The following MCPH1 variants were observed in gnomAD, a reference collection of about 807,000 sequenced individuals.
MCPH1 encodes the protein microcephalin 1.
MCPH1 carries 104 observed loss-of-function variants against 84.5 expected under a neutral mutation model. That is an observed-to-expected ratio of 1.23 (90% CI 1.05 to 1.45). The LOEUF is 1.45. MCPH1 is among the 40% of genes most tolerant of loss of function. The pLI is 0.00. For missense variants in MCPH1, 1,498 were observed against 1,005.7 expected (o/e 1.49, Z -6.62); for synonymous variants, 514 against 366.8 (o/e 1.40, Z -4.58).
intron 13 of MCPH1, among the ~76,000 whole-genome samples, chr8:6,633,360 C>G (rs1210813739): frequency 6.6e-6 from 1 of 152,184 alleles, no homozygotes; most frequent in Admixed American, 6.5e-5. Flanking sequence ...TCACTGAAAT[C>G]TTTAGCATTT....
chr8:6,477,794 C>A (rs958415818), intron 10 of MCPH1, among the ~76,000 whole-genome samples, 163 bp downstream of exon 10: 3 of 152,152 alleles, frequency 2.0e-5, no homozygotes, highest in African/African-American at 7.2e-5. Flanking sequence ...TAAACATGTA[C>A]CAAATGTGAG....
chr8:6,406,865 C>G (rs1354012548), intron 1 of MCPH1, among the ~76,000 whole-genome samples, 176 bp downstream of exon 1: 1 of 8,514 alleles, frequency 1.2e-4, no homozygotes, highest in Non-Finnish European at 4.8e-4. Flanking sequence ...CCACCAAAAC[C>G]CCCTGCTCCT....
Position 6,620,360 on chromosome 8 carries a change from A to G in MCPH1, c.2215-1094A>G, listed in dbSNP as rs1586829838. 4 of 152,352 alleles carry G rather than the reference A, an allele frequency of 2.6e-5. No individual in the cohort carries two copies. In the East Asian group the frequency reaches 7.7e-4, roughly 29 times the overall value. The allele number at this position is 152,352 out of a possible 1,614,324, so 9.4% of individuals were successfully genotyped here. A position where few individuals can be genotyped will look rare whatever the true frequency, so the allele number is the denominator to read the frequency against. On this transcript the variant is annotated intron_variant, in intron 12 of 13. Coordinates refer to ENST00000344683, the MANE Select transcript of MCPH1 (RefSeq NM_024596.5). ...TTTGTTAAATATTACAGTAGTAGGAAAACCTAGCAGAAGAATAGTTCACTG... is the reference window on the plus strand; with the variant it reads ...TTTGTTAAATATTACAGTAGTAGGAGAACCTAGCAGAAGAATAGTTCACTG...
chr8:6,436,842 C>T (rs1206223809), intron 5 of MCPH1, among the ~76,000 whole-genome samples: 1 of 151,800 alleles, frequency 6.6e-6, no homozygotes, highest in Non-Finnish European at 1.5e-5. Flanking sequence ...TGGTGGCAGG[C>T]GCCTGTAGTC....
intron 12 of MCPH1, among the ~76,000 whole-genome samples, chr8:6,520,639 G>A (rs1817142021): frequency 6.6e-6 from 1 of 152,126 alleles, no homozygotes; most frequent in Non-Finnish European, 1.5e-5. Flanking sequence ...CAAGTGATCT[G>A]CCTGCCTCAG....
chr8:6,612,450 C>G (rs1268321135), intron 12 of MCPH1, among the ~76,000 whole-genome samples: 3 of 152,294 alleles, frequency 2.0e-5, no homozygotes, highest in African/African-American at 7.2e-5. Flanking sequence ...CTTTTGAGGG[C>G]TACCCCTTTC....
chr8:6,411,300 T>A (rs368798509), intron 2 of MCPH1, among the ~76,000 whole-genome samples: 3 of 152,152 alleles, frequency 2.0e-5, no homozygotes, highest in Admixed American at 6.5e-5. Context: ...TTTTATCTTA[T>A]AAGGAAGCCA....
chr8:6,503,780 T>G (rs1019161649), intron 12 of MCPH1, among the ~76,000 whole-genome samples: 1 of 152,162 alleles, frequency 6.6e-6, no homozygotes, highest in African/African-American at 2.4e-5. Context: ...AAAGGAAATT[T>G]AAAGTGAGAG....
intron 9 of MCPH1, 49 bp downstream of exon 9, chr8:6,455,301 T>A (rs773696911): frequency 3.1e-6 from 4 of 1,274,586 alleles, no homozygotes; most frequent in Non-Finnish European, 4.6e-6. Context: ...TGATACATCA[T>A]AATGTTCTTC....
chr8:6,528,823 T>A (rs1818888649), intron 12 of MCPH1, among the ~76,000 whole-genome samples: 1 of 152,262 alleles, frequency 6.6e-6, no homozygotes, highest in Non-Finnish European at 1.5e-5. Flanking sequence ...GAGCCTTGGC[T>A]GGTCCACAGC....
At chr8:6,624,890 T>TC (rs1831899646) in intron 13 of MCPH1, 3 of 954,374 alleles carry the variant, frequency 3.1e-6, no homozygotes, top group South Asian at 4.8e-5. Flanking sequence ...TTTTTTTTTT[T>TC]CTGAGATGGA....
chr8:6,569,099 A>G (rs1027170902), intron 12 of MCPH1, among the ~76,000 whole-genome samples: 5 of 152,226 alleles, frequency 3.3e-5, no homozygotes, highest in Non-Finnish European at 7.3e-5. Flanking sequence ...TGTTCAGTAT[A>G]CAGGGAAAAC....
chr8:6,419,069 G>C (rs1799746394), intron 3 of MCPH1, among the ~76,000 whole-genome samples: 1 of 151,670 alleles, frequency 6.6e-6, no homozygotes, highest in Non-Finnish European at 1.5e-5. Context: ...CGTTGGGCCT[G>C]CTTAGCTATC....
Position 6,455,045 on chromosome 8 carries a change from T to G in MCPH1, c.1826-98T>G. On this transcript the variant is annotated intron_variant, in intron 8 of 13. Transcript: ENST00000344683. ...CAATTTATTTAAAAGGCCTATAACT[T>G]CCTGTTTCCATTATGCATAAATGTG... 3 of 897,024 alleles carry G rather than the reference T, an allele frequency of 3.3e-6. No homozygotes were observed. The South Asian group carries it at 4.0e-5, about 12-fold the overall frequency. 55.6% of individuals were successfully genotyped at this position (897,024 alleles called of 1,614,324 possible).
intron 11 of MCPH1, among the ~76,000 whole-genome samples, chr8:6,493,681 G>C (rs562041193): frequency 2.0e-5 from 3 of 152,124 alleles, no homozygotes; most frequent in Non-Finnish European, 4.4e-5. Flanking sequence ...TTGAGGTGAG[G>C]TCCACGCTGC....
intron 9 of MCPH1, among the ~76,000 whole-genome samples, chr8:6,467,835 C>G (rs1229784566): frequency 6.6e-6 from 1 of 152,106 alleles, no homozygotes; most frequent in East Asian, 1.9e-4. Flanking sequence ...TGGCCTCAAA[C>G]CATCCACTCG....
rs186715588 is a variant in MCPH1, at chr8:6,639,461, G to C, written c.2453-3533G>C. ...GGACTGCTTGATGCCGGGAGTTTGA[G>C]ACCAGCCTTGGCAACATAGAAAGAC... On this transcript the variant is annotated intron_variant, in intron 13 of 13. Transcript: ENST00000344683. Among the ~76,000 whole-genome samples the C allele has an allele frequency of 2.4e-3, 363 of 152,192 alleles. 1 individual carries two copies. Among genetic ancestry groups the C allele is most frequent in the Non-Finnish European group, 4.1e-3 (279 of 68,002 alleles).
intron 13 of MCPH1, chr8:6,625,702 T>C (rs991750122): frequency 8.2e-5 from 81 of 982,122 alleles, no homozygotes; most frequent in Middle Eastern, 1.0e-3. Context: ...GAGCTTGGCT[T>C]GAGCCCATAA....
At chr8:6,437,429 C>T (rs544084991) in intron 5 of MCPH1, among the ~76,000 whole-genome samples, 6 of 152,168 alleles carry the variant, frequency 3.9e-5, no homozygotes, top group East Asian at 1.9e-4. Flanking sequence ...CAGGGTTTCA[C>T]CATGTTGGCC....
Sources: gnomAD v4.1 joint callset for allele counts (sites outside exome capture counted in the v4.1 genomes callset) on GRCh38, gnomAD v4.1.1 for gene constraint, MANE v1.5 for transcripts, NCBI Gene and HGNC (gene_info 2026-07-23, HGNC 2026-07-21) for gene names.